The following CAST variants were observed in gnomAD, a reference collection of about 807,000 sequenced individuals.
The protein encoded by CAST is calpastatin.
Under a neutral mutation model 119.6 loss-of-function variants are expected in CAST, and 76 were observed. The observed-to-expected ratio is 0.64, with a 90% confidence interval of 0.53 to 0.77. The LOEUF (loss-of-function observed/expected upper bound fraction) is 0.77. Among genes scored for constraint, CAST ranks in the 30% least tolerant of loss-of-function variants. The pLI, the probability that CAST is intolerant of heterozygous loss-of-function variation, is 0.00. For synonymous variants in CAST, 319 were observed against 331.6 expected (o/e 0.96, Z 0.41); for missense variants, 953 against 946.5 (o/e 1.01, Z -0.09).
the CAST span, chr5:96,412,877 T>C: frequency 1.5e-5 from 12 of 819,292 alleles, no homozygotes; most frequent in Non-Finnish European, 1.7e-5. Context: ...TGTTGTCAAT[T>C]ACAAAATGTT....
chr5:96,401,751 C>G, the CAST span, among the ~76,000 whole-genome samples: 1 of 152,104 alleles, frequency 6.6e-6, no homozygotes, highest in Non-Finnish European at 1.5e-5. Flanking sequence ...GTTGATGTCT[C>G]TCTCCCTGGT....
the CAST span, among the ~76,000 whole-genome samples, chr5:96,502,624 C>CT: frequency 1.5e-5 from 1 of 66,698 alleles, no homozygotes; most frequent in South Asian, 5.2e-4. Flanking sequence ...GTCTTTCTTT[C>CT]TTTCTTTCTT....
At chr5:96,697,433 A>G (rs1029933981) in intron 3 of CAST, among the ~76,000 whole-genome samples, 1 of 152,190 alleles carries the variant, frequency 6.6e-6, no homozygotes, top group Non-Finnish European at 1.5e-5. Context: ...GCCCAAACCA[A>G]TAATCAGCTG....
the CAST span, among the ~76,000 whole-genome samples, chr5:96,312,240 C>T: frequency 6.6e-6 from 1 of 152,194 alleles, no homozygotes; most frequent in African/African-American, 2.4e-5. Context: ...TCTGAATTTA[C>T]AGCTAGATGA....
the CAST span, among the ~76,000 whole-genome samples, chr5:96,353,605 A>G: frequency 3.3e-5 from 5 of 151,428 alleles, no homozygotes; most frequent in African/African-American, 1.2e-4. Flanking sequence ...GAATAGAACA[A>G]AAGGACAGAT....
At chr5:96,639,312 A>G (rs888612738) in intron 1 of CAST, among the ~76,000 whole-genome samples, 1 of 152,182 alleles carries the variant, frequency 6.6e-6, no homozygotes, top group Non-Finnish European at 1.5e-5. Flanking sequence ...TAGGATTCCA[A>G]GATGGACTTC....
At chr5:96,160,700 T>G in the CAST span, among the ~76,000 whole-genome samples, 11 of 152,192 alleles carry the variant, frequency 7.2e-5, no homozygotes, top group Non-Finnish European at 2.9e-5. Context: ...TTTCCCTAAG[T>G]AGTTACAACA....
the CAST span, among the ~76,000 whole-genome samples, chr5:96,510,149 G>C: frequency 6.6e-6 from 1 of 152,176 alleles, no homozygotes; most frequent in Admixed American, 6.5e-5. Flanking sequence ...AGTCTTCTGG[G>C]AAGTCCAAGT....
the CAST span, among the ~76,000 whole-genome samples, chr5:96,314,178 A>G: frequency 6.6e-6 from 1 of 152,208 alleles, no homozygotes; most frequent in Non-Finnish European, 1.5e-5. Flanking sequence ...GATTATCTCT[A>G]AAACTGAAAA....
chr5:96,769,198 T>G (rs1296982982), intron 29 of CAST: 9 of 152,244 alleles, frequency 5.9e-5, no homozygotes, highest in African/African-American at 1.7e-4. Context: ...TCTCGATCAC[T>G]GAATTGTCAG....
chr5:96,397,385 G>T, the CAST span: 6 of 1,611,504 alleles, frequency 3.7e-6, no homozygotes, highest in East Asian at 1.1e-4. Context: ...CTCTCCCCAT[G>T]TGTGAACAGA....
the CAST span, among the ~76,000 whole-genome samples, chr5:96,424,972 AG>A: frequency 4.3e-5 from 6 of 139,544 alleles, no homozygotes; most frequent in African/African-American, 1.9e-4. Context: ...AAAAAAAAAA[AG>A]AAAGATAGAA....
chr5:96,537,761 G>A (rs752259149), intron 1 of CAST, among the ~76,000 whole-genome samples: 8 of 152,204 alleles, frequency 5.3e-5, no homozygotes, highest in Non-Finnish European at 8.8e-5. Flanking sequence ...ATTGTCACTC[G>A]GTCACTTGGG....
chr5:96,187,702 A>T, the CAST span, among the ~76,000 whole-genome samples: 2 of 152,178 alleles, frequency 1.3e-5, no homozygotes, highest in Admixed American at 1.3e-4. Flanking sequence ...TATTTCCCCT[A>T]GTGCCTTGCA....
At chr5:96,542,748 T>C (rs1291472060) in intron 1 of CAST, among the ~76,000 whole-genome samples, 1 of 152,216 alleles carries the variant, frequency 6.6e-6, no homozygotes, top group African/African-American at 2.4e-5. Context: ...TGTCTTTTCA[T>C]TCAATTAACA....
At chr5:96,505,144 G>A in the CAST span, among the ~76,000 whole-genome samples, 2 of 152,186 alleles carry the variant, frequency 1.3e-5, no homozygotes. Flanking sequence ...TGGATCAAAT[G>A]GTTAGCATGT....
the CAST span, among the ~76,000 whole-genome samples, chr5:96,143,825 T>G: frequency 6.6e-6 from 1 of 152,218 alleles, no homozygotes; most frequent in African/African-American, 2.4e-5. Context: ...ATAGAGCCTT[T>G]TTTTGGATGA....
intron 1 of CAST, among the ~76,000 whole-genome samples, chr5:96,543,690 C>T (rs1353030952): frequency 6.6e-6 from 1 of 152,118 alleles, no homozygotes. Context: ...CAGAATTTCC[C>T]CTACATTATC....
the CAST span, among the ~76,000 whole-genome samples, chr5:96,186,923 G>A: frequency 0.1 from 15,431 of 152,152 alleles, 969 homozygotes; most frequent in East Asian, 0.21. Flanking sequence ...CAGTAGAAAT[G>A]GTACTAGCTC....
Sources: allele counts gnomAD v4.1 joint callset (sites outside exome capture counted in the v4.1 genomes callset), GRCh38; gene constraint gnomAD v4.1.1; transcripts MANE v1.5; gene names NCBI Gene and HGNC (gene_info 2026-07-23, HGNC 2026-07-21).